AGBL4: variants seen among roughly 807,000 people sequenced by gnomAD.
The protein encoded by AGBL4 is AGBL carboxypeptidase 4, also known as cytosolic carboxypeptidase 6.
AGBL4 carries 58 observed loss-of-function variants against 66.4 expected under a neutral mutation model. That is an observed-to-expected ratio of 0.87 (90% CI 0.71 to 1.09). AGBL4 has a LOEUF of 1.09. AGBL4 is among the 50% of genes least tolerant of loss of function. The pLI is 0.00. For synonymous variants in AGBL4, 234 were observed against 222.9 expected (o/e 1.05, Z -0.44); for missense variants, 579 against 631.0 (o/e 0.92, Z 0.88).
chr1:49,210,390 C>T (rs1243937438), intron 4 of AGBL4, among the ~76,000 whole-genome samples: 2 of 152,208 alleles, frequency 1.3e-5, no homozygotes, highest in East Asian at 3.9e-4. Context: ...GTGTGGGTGT[C>T]ACTTGCATAA....
intron 1 of AGBL4, among the ~76,000 whole-genome samples, chr1:50,007,277 T>C (rs1202907116): frequency 6.6e-6 from 1 of 151,846 alleles, no homozygotes; most frequent in Non-Finnish European, 1.5e-5. Context: ...CAGAAAATAA[T>C]CTTCACAAAA....
intron 8 of AGBL4, 60 bp from the exon 9 acceptor site, chr1:48,634,664 C>A: frequency 8.4e-7 from 1 of 1,189,320 alleles, no homozygotes; most frequent in Non-Finnish European, 1.2e-6. Flanking sequence ...TCTCACCTGT[C>A]AAAATATGCT....
intron 1 of AGBL4, among the ~76,000 whole-genome samples, chr1:49,873,505 T>C (rs2148116981): frequency 6.6e-6 from 1 of 152,178 alleles, no homozygotes; most frequent in South Asian, 2.1e-4. Flanking sequence ...TTACCTTTTG[T>C]TCCTAAGCAG....
rs956082786 is a variant in AGBL4 at position 49,170,941 on chromosome 1, G to A, written c.377+74829C>T. On this transcript the variant is annotated intron_variant, in intron 4 of 13. Transcript: ENST00000371839. ...ATAACAGAAGCATTCTAATAGCACC[G>A]AAGCAGATATGGCAAGGGCTCTTAA... Among the ~76,000 whole-genome samples, 8 of 152,084 alleles carry A rather than the reference G, an allele frequency of 5.3e-5. No individual in the cohort carries two copies. The East Asian group carries it at 5.8e-4, about 11-fold the overall frequency.
At chr1:49,807,091 G>A (rs1044210078) in intron 2 of AGBL4, among the ~76,000 whole-genome samples, 1 of 152,140 alleles carries the variant, frequency 6.6e-6, no homozygotes, top group Non-Finnish European at 1.5e-5. Flanking sequence ...GGGTTGAGCT[G>A]GCTGAGAGTG....
intron 5 of AGBL4, among the ~76,000 whole-genome samples, chr1:48,901,552 C>T (rs1487854343): frequency 6.6e-6 from 1 of 151,942 alleles, no homozygotes; most frequent in Non-Finnish European, 1.5e-5. Context: ...AACGAATGAC[C>T]CACTGATGCA....
intron 3 of AGBL4, among the ~76,000 whole-genome samples, chr1:49,476,762 T>A (rs1482861332): frequency 6.6e-6 from 1 of 152,120 alleles, no homozygotes; most frequent in East Asian, 1.9e-4. Flanking sequence ...GTGTGATAGA[T>A]CTTTCTCCAT....
At chr1:49,903,844 A>G (rs1282195337) in intron 1 of AGBL4, among the ~76,000 whole-genome samples, 8 of 152,198 alleles carry the variant, frequency 5.3e-5, no homozygotes, top group Non-Finnish European at 1.2e-4. Context: ...GATTCTATAT[A>G]GGGTCTGATT....
At chr1:49,336,683 T>A (rs950156724) in intron 3 of AGBL4, among the ~76,000 whole-genome samples, 1 of 152,212 alleles carries the variant, frequency 6.6e-6, no homozygotes, top group Non-Finnish European at 1.5e-5. Flanking sequence ...TCACCCAATC[T>A]AAAGAAGGGC....
At chr1:48,718,045 C>T (rs1273958389) in intron 6 of AGBL4, among the ~76,000 whole-genome samples, 1 of 152,176 alleles carries the variant, frequency 6.6e-6, no homozygotes, top group Non-Finnish European at 1.5e-5. Flanking sequence ...TCGGCATGCT[C>T]CTGTTGGCTG....
At chr1:49,450,365 G>C (rs960466415) in intron 3 of AGBL4, among the ~76,000 whole-genome samples, 1 of 152,052 alleles carries the variant, frequency 6.6e-6, no homozygotes, top group African/African-American at 2.4e-5. Context: ...GCTCAGAACA[G>C]AACTCTTAGG....
intron 3 of AGBL4, among the ~76,000 whole-genome samples, chr1:49,622,048 C>T (rs886822814): frequency 6.6e-6 from 1 of 152,114 alleles, no homozygotes; most frequent in African/African-American, 2.4e-5. Flanking sequence ...CCCATTGAAC[C>T]TCTAGGATGT....
At chr1:49,955,266 T>C (rs923850662) in intron 1 of AGBL4, among the ~76,000 whole-genome samples, 1 of 152,010 alleles carries the variant, frequency 6.6e-6, no homozygotes, top group African/African-American at 2.4e-5. Flanking sequence ...AGAAGTTTCA[T>C]TGAGTATAAT....
chr1:49,051,232 T>G (rs931677835), intron 4 of AGBL4, among the ~76,000 whole-genome samples: 1 of 152,052 alleles, frequency 6.6e-6, no homozygotes, highest in African/African-American at 2.4e-5. Context: ...TTAAAAAAGG[T>G]GTGCAAAACA....
intron 1 of AGBL4, among the ~76,000 whole-genome samples, chr1:49,903,608 C>A (rs534564293): frequency 1.4e-3 from 208 of 152,172 alleles, no homozygotes; most frequent in African/African-American, 4.8e-3. Flanking sequence ...TTAATATTAC[C>A]TATCCCATAG....
At chr1:48,871,651 T>C (rs186302946) in intron 5 of AGBL4, among the ~76,000 whole-genome samples, 14 of 152,198 alleles carry the variant, frequency 9.2e-5, no homozygotes, top group Admixed American at 9.2e-4. Flanking sequence ...GCTTAACCAC[T>C]GTGTGGTGAA....
chr1:49,612,892 A>G (rs999018642), intron 3 of AGBL4, among the ~76,000 whole-genome samples: 2 of 152,220 alleles, frequency 1.3e-5, no homozygotes, highest in African/African-American at 4.8e-5. Context: ...TATAGACCCA[A>G]AGGAAAATGA....
chr1:49,304,696 A>G (rs900111998), intron 3 of AGBL4, among the ~76,000 whole-genome samples: 1 of 152,334 alleles, frequency 6.6e-6, no homozygotes, highest in Non-Finnish European at 1.5e-5. Context: ...TGTAATGGCA[A>G]TATCATATTA....
chr1:48,756,344 T>C (rs1253213615), intron 6 of AGBL4, among the ~76,000 whole-genome samples: 1 of 152,318 alleles, frequency 6.6e-6, no homozygotes, highest in South Asian at 2.1e-4. Context: ...CAGTCCTCTA[T>C]GGTTTTGTCC....
Sources: gnomAD v4.1 joint callset for allele counts (sites outside exome capture counted in the v4.1 genomes callset) on GRCh38, gnomAD v4.1.1 for gene constraint, MANE v1.5 for transcripts, NCBI Gene and HGNC (gene_info 2026-07-23, HGNC 2026-07-21) for gene names.